The following AMDHD1 variants were observed in gnomAD, a reference collection of about 807,000 sequenced individuals.
The protein encoded by AMDHD1 is amidohydrolase domain containing 1, also known as probable imidazolonepropionase.
A neutral mutation model predicts 44.1 loss-of-function variants in AMDHD1; 45 were observed. The observed-to-expected ratio is 1.02, with a 90% CI of 0.80 to 1.31. The LOEUF (loss-of-function observed/expected upper bound fraction) is 1.31. AMDHD1 is among the 50% of genes most tolerant of loss of function. The pLI is 0.00. For missense variants in AMDHD1, 586 were observed against 552.1 expected (o/e 1.06, Z -0.61); for synonymous variants, 206 against 205.0 (o/e 1.00, Z -0.04).
intron 3 of AMDHD1, among the ~76,000 whole-genome samples, chr12:95,956,032 C>A (rs1250020632): frequency 8.5e-5 from 13 of 152,220 alleles, no homozygotes. Context: ...AGGGCTGATA[C>A]TTAGCAAGTA....
Position 95,966,477 on chromosome 12 carries a change from CAG to C in AMDHD1, c.1163_1164del (p.Gln388ArgfsTer23), listed in dbSNP as rs1454604014. The C allele has an allele frequency of 6.2e-7, 1 of 1,614,244 alleles. No homozygotes were observed. The highest frequency in any genetic ancestry group is 2.2e-5 in the East Asian group (1 of 44,888). On this transcript the variant is annotated frameshift_variant, in exon 8 of 9. Transcript: ENST00000266736. LOFTEE classifies it high-confidence loss of function. ...ACACGGATCGTTGGAAGTTGGCAAA[CAG>C]GGAGATCTCATTATCATCAATTCAT... is the stretch of plus-strand genomic sequence containing the variant. ...HTHGSLEVGK[Q>X]GDLIIINSSR... is the part of the protein sequence containing the mutation.
intron 1 of AMDHD1, among the ~76,000 whole-genome samples, chr12:95,949,140 T>TTAAAAAAAAAAAAAAAAAAA (rs2080514438): frequency 2.2e-4 from 1 of 4,460 alleles, no homozygotes; most frequent in Non-Finnish European, 3.2e-4. Context: ...AAAAATAAAT[T>TTAAAAAAAAAAAAAAAAAAA]AAAAAAAAAA....
At chr12:95,966,652 C>A in intron 8 of AMDHD1, 144 bp downstream of exon 8, 1 of 1,076,902 alleles carries the variant, frequency 9.3e-7, no homozygotes, top group Non-Finnish European at 1.3e-6. Flanking sequence ...GATCCCTTTC[C>A]AAAGAGCAAA....
At chr12:95,944,922 T>A (rs1278708930) in intron 1 of AMDHD1, among the ~76,000 whole-genome samples, 1 of 151,946 alleles carries the variant, frequency 6.6e-6, no homozygotes, top group African/African-American at 2.4e-5. Context: ...TCACCTGAGG[T>A]TGGGAGCTCG....
At chr12:95,963,545 C>T (rs1387398406) in intron 6 of AMDHD1, among the ~76,000 whole-genome samples, 1 of 152,152 alleles carries the variant, frequency 6.6e-6, no homozygotes, top group Admixed American at 6.5e-5. Context: ...TGATATTATA[C>T]ATTTTTATTA....
intron 4 of AMDHD1, among the ~76,000 whole-genome samples, chr12:95,957,879 C>T (rs923379716): frequency 2.6e-5 from 4 of 151,968 alleles, no homozygotes; most frequent in Non-Finnish European, 5.9e-5. Context: ...ATGGTGAAAC[C>T]CCATCTCTAC....
intron 5 of AMDHD1, 136 bp downstream of exon 5, chr12:95,960,759 G>A: frequency 1.1e-6 from 1 of 940,446 alleles, no homozygotes; most frequent in Admixed American, 2.8e-5. Context: ...TGTACAGATT[G>A]GTCTGGTTGA....
chr12:95,953,799 T>A (rs1175928255), intron 2 of AMDHD1, among the ~76,000 whole-genome samples: 2 of 152,164 alleles, frequency 1.3e-5, no homozygotes, highest in Non-Finnish European at 2.9e-5. Flanking sequence ...CAGGCTGGTC[T>A]CAAACTCCTG....
intron 3 of AMDHD1, among the ~76,000 whole-genome samples, chr12:95,956,194 C>T (rs1302387147): frequency 2.6e-5 from 4 of 152,158 alleles, no homozygotes; most frequent in Admixed American, 1.3e-4. Flanking sequence ...CTGCAACCTC[C>T]GCCTCCCGGG....
chr12:95,959,767 G>A (rs188848964), intron 4 of AMDHD1, among the ~76,000 whole-genome samples: 4 of 147,080 alleles, frequency 2.7e-5, no homozygotes, highest in African/African-American at 1.0e-4. Context: ...TGCCCTCTGA[G>A]TGTCCTTGAC....
intron 1 of AMDHD1, among the ~76,000 whole-genome samples, chr12:95,946,061 C>CTGTGTGTG (rs56658923): frequency 0.012 from 1,530 of 122,548 alleles, 28 homozygotes; most frequent in African/African-American, 0.039. Context: ...CTCTTTCTCT[C>CTGTGTGTG]TGTGTGTGTG....
In AMDHD1 at chr12:95,965,705, A is replaced by G. The variant is rs1350797867; in HGVS notation, c.958A>G (p.Arg320Gly). The G allele has an allele frequency of 3.7e-6, 6 of 1,612,662 alleles. No homozygotes were observed. Among genetic ancestry groups the G allele is most frequent in the Non-Finnish European group, 5.1e-6 (6 of 1,179,652 alleles). The change falls in exon 7 of 9, where the codon AGG (arginine) becomes GGG (glycine). Residue 320 changes from arginine (R) to glycine (G), a missense_variant. Transcript: ENST00000266736. Reference sequence around the variant, plus strand: ...CCTTAGACTGAAACAACCTCGAGCCAGGAAGATGTTAGATGAAGGAGTAAT... The same window carrying G: ...CCTTAGACTGAAACAACCTCGAGCCGGGAAGATGTTAGATGAAGGAGTAAT... ...YMLRLKQPRA[R>G]KMLDEGVIVA...
chr12:95,965,343 A>G (rs1262635026), intron 6 of AMDHD1, among the ~76,000 whole-genome samples: 1 of 150,368 alleles, frequency 6.7e-6, no homozygotes, highest in East Asian at 1.9e-4. Flanking sequence ...CTCATTTATT[A>G]TTTAATTTGG....
intron 3 of AMDHD1, 150 bp from the exon 4 acceptor site, chr12:95,956,535 T>C: frequency 5.6e-6 from 6 of 1,064,578 alleles, no homozygotes; most frequent in Non-Finnish European, 8.1e-6. Context: ...TCCAGGACTG[T>C]GTATCCCAGC....
chr12:95,956,104 T>TTTTGTTTTG (rs1555235035), intron 3 of AMDHD1, among the ~76,000 whole-genome samples: 5 of 151,788 alleles, frequency 3.3e-5, no homozygotes, highest in East Asian at 3.9e-4. Flanking sequence ...TTTTGTTTTG[T>TTTTGTTTTG]TTTGTTTGTT....
At position 95,962,404 on chromosome 12, in the gene AMDHD1, G is replaced by A. The variant is rs756975250; in HGVS notation, c.863G>A (p.Ser288Asn). The change falls in exon 6 of 9, where the codon AGT becomes AAT. Residue 288 changes from serine (S) to asparagine (N), a missense_variant. Ser to Asn is a conservative substitution (Grantham distance 46). Coordinates refer to ENST00000266736, the MANE Select transcript of AMDHD1 (RefSeq NM_152435.3). ...AQAISHLEEV[S>N]DEGIVAMATA... Reference sequence around the variant, plus strand: ...GCAATCAGCCACCTGGAAGAAGTGAGTGATGAAGGCATCGTTGCCATGGCA... The same window carrying A: ...GCAATCAGCCACCTGGAAGAAGTGAATGATGAAGGCATCGTTGCCATGGCA... 7 of 1,613,954 alleles carry A rather than the reference G, an allele frequency of 4.3e-6. No individual in the cohort carries two copies. The highest frequency in any genetic ancestry group is 5.9e-6 in the Non-Finnish European group (7 of 1,179,934).
At chr12:95,943,697 G>T (rs2080477906) in intron 1 of AMDHD1, among the ~76,000 whole-genome samples, 162 bp downstream of exon 1, 1 of 152,232 alleles carries the variant, frequency 6.6e-6, no homozygotes, top group Non-Finnish European at 1.5e-5. Context: ...ACGCTCTGCT[G>T]CTTGGGGTTG....
At chr12:95,960,303 C>A in intron 4 of AMDHD1, 95 bp from the exon 5 acceptor site, 1 of 1,048,434 alleles carries the variant, frequency 9.5e-7, no homozygotes, top group Non-Finnish European at 1.4e-6. Flanking sequence ...TCATTTACCT[C>A]TACTGCTCCT....
chr12:95,945,480 T>C (rs1357882253), intron 1 of AMDHD1, among the ~76,000 whole-genome samples: 6 of 152,256 alleles, frequency 3.9e-5, no homozygotes, highest in Admixed American at 3.9e-4. Context: ...AGAATTGGAA[T>C]AATTATCTGG....
Sources: gnomAD v4.1 joint callset for allele counts (sites outside exome capture counted in the v4.1 genomes callset) on GRCh38, gnomAD v4.1.1 for gene constraint, MANE v1.5 for transcripts, NCBI Gene and HGNC (gene_info 2026-07-23, HGNC 2026-07-21) for gene names.